Variants in ATXN7L1 observed in about 807,000 individuals in gnomAD.
The protein encoded by ATXN7L1 is ataxin-7-like protein 1.
Under a neutral mutation model 70.8 loss-of-function variants are expected in ATXN7L1, and 15 were observed. The observed-to-expected ratio is 0.21, with a 90% CI of 0.14 to 0.33. The LOEUF is 0.33. Among genes scored for constraint, ATXN7L1 ranks in the 10% least tolerant of loss-of-function variants. The probability of loss-of-function intolerance (pLI) is 1.00; values close to 1 mark genes in which losing one functional copy is unlikely to be tolerated. For missense variants in ATXN7L1, 975 were observed against 1,097.1 expected, an observed-to-expected ratio of 0.89 and a Z score of 1.57; for synonymous variants, 440 against 445.1, an observed-to-expected ratio of 0.99 and a Z score of 0.14.
chr7:105,649,813 G>A (rs996569655), intron 4 of ATXN7L1, among the ~76,000 whole-genome samples: 6 of 152,228 alleles, frequency 3.9e-5, no homozygotes, highest in Admixed American at 1.3e-4. Flanking sequence ...AAGACATATG[G>A]TATTTGTGCT....
In ATXN7L1 at chr7:105,698,282, T is replaced by A. The variant is rs1003345135; in HGVS notation, c.356-32994A>T. ...GATTTTGGCTTAATCCTTTGTGATG[T>A]GGACCCACAAACCAAGACATTGTAA... On this transcript the variant is annotated intron_variant, in intron 3 of 11. Transcript: ENST00000419735. Among the ~76,000 whole-genome samples the A allele has an allele frequency of 5.3e-5, 8 of 152,190 alleles. No homozygotes were observed. In the South Asian group the frequency reaches 1.7e-3, roughly 32 times the overall value.
At chr7:105,813,697 T>C (rs190666168) in intron 2 of ATXN7L1, among the ~76,000 whole-genome samples, 235 of 152,332 alleles carry the variant, frequency 1.5e-3, no homozygotes, top group African/African-American at 4.8e-3. Flanking sequence ...ATTCTGAAAT[T>C]AAGTTTTTTT....
chr7:105,624,858 G>A (rs1795471118), intron 7 of ATXN7L1, among the ~76,000 whole-genome samples: 1 of 152,158 alleles, frequency 6.6e-6, no homozygotes, highest in Non-Finnish European at 1.5e-5. Flanking sequence ...AGTGTAAGTG[G>A]AACATGAGAT....
At chr7:105,805,367 G>A (rs1232073803) in intron 2 of ATXN7L1, among the ~76,000 whole-genome samples, 1 of 152,230 alleles carries the variant, frequency 6.6e-6, no homozygotes, top group African/African-American at 2.4e-5. Flanking sequence ...TATGCAGGAA[G>A]TTCAGGGGGC....
chr7:105,816,779 C>G (rs1326468517), intron 2 of ATXN7L1, among the ~76,000 whole-genome samples: 3 of 152,362 alleles, frequency 2.0e-5, no homozygotes, highest in Middle Eastern at 6.8e-3. Context: ...AAGCTAAGTT[C>G]TCTAAGCCAA....
At chr7:105,682,999 A>G (rs752251781) in intron 3 of ATXN7L1, among the ~76,000 whole-genome samples, 2 of 152,254 alleles carry the variant, frequency 1.3e-5, no homozygotes, top group Admixed American at 6.5e-5. Flanking sequence ...GATAATCTAC[A>G]GCAGAACAAT....
At chr7:105,611,104 G>A (rs1164868505) in intron 10 of ATXN7L1, among the ~76,000 whole-genome samples, 2 of 152,222 alleles carry the variant, frequency 1.3e-5, no homozygotes, top group Non-Finnish European at 2.9e-5. Flanking sequence ...TAACGCACAC[G>A]CAACTGTTCT....
intron 2 of ATXN7L1, among the ~76,000 whole-genome samples, chr7:105,849,605 A>G (rs74947630): frequency 0.094 from 14,250 of 152,232 alleles, 814 homozygotes; most frequent in East Asian, 0.23. Context: ...GCTTGGTTTC[A>G]TGACACCTCT....
intron 3 of ATXN7L1, among the ~76,000 whole-genome samples, chr7:105,748,116 CAAA>C (rs10566200): frequency 1.3e-3 from 156 of 121,936 alleles, no homozygotes; most frequent in African/African-American, 2.6e-3. Context: ...AACTCCATCT[CAAA>C]AAAAAAAAAA....
rs1335369012 is a variant in ATXN7L1, at chr7:105,822,244, G to A, written c.251-33536C>T. 2.0e-5 allele frequency among the ~76,000 whole-genome samples: 3 copies of A among 152,276 alleles called. No homozygotes were observed. In the East Asian group the frequency reaches 5.8e-4, roughly 29 times the overall value. ...CTTGAGTCCAGGAGTTTAAGGCAGC[G>A]TAGGCAACACAGCAAGACCCTGTCT... On this transcript the variant is annotated intron_variant, in intron 2 of 11. Coordinates refer to ENST00000419735, the MANE Select transcript of ATXN7L1 (RefSeq NM_020725.2).
At chr7:105,681,238 A>C (rs1805511983) in intron 3 of ATXN7L1, among the ~76,000 whole-genome samples, 2 of 152,304 alleles carry the variant, frequency 1.3e-5, no homozygotes, top group South Asian at 4.1e-4. Context: ...CAGCCTGGCC[A>C]ATATGTTGAA....
At chr7:105,680,292 T>G (rs1805362541) in intron 3 of ATXN7L1, among the ~76,000 whole-genome samples, 1 of 152,170 alleles carries the variant, frequency 6.6e-6, no homozygotes, top group Non-Finnish European at 1.5e-5. Flanking sequence ...GATGGTCTCC[T>G]GTGGGGACCA....
intron 7 of ATXN7L1, among the ~76,000 whole-genome samples, chr7:105,627,594 C>G (rs182923702): frequency 2.0e-5 from 3 of 148,922 alleles, no homozygotes; most frequent in African/African-American, 7.5e-5. Flanking sequence ...TGCAGTGGTG[C>G]GACCTCGGCT....
At chr7:105,762,270 C>A (rs191159108) in intron 3 of ATXN7L1, among the ~76,000 whole-genome samples, 1 of 152,310 alleles carries the variant, frequency 6.6e-6, no homozygotes, top group East Asian at 1.9e-4. Context: ...TCCTTGACAC[C>A]CTTCTGCCTT....
At chr7:105,810,832 T>C (rs1357287330) in intron 2 of ATXN7L1, among the ~76,000 whole-genome samples, 1 of 152,212 alleles carries the variant, frequency 6.6e-6, no homozygotes, top group Non-Finnish European at 1.5e-5. Context: ...ACTTGGCTTT[T>C]ATAGTAATTT....
At chr7:105,649,658 G>T in intron 4 of ATXN7L1, 1 of 800,794 alleles carries the variant, frequency 1.2e-6, no homozygotes, top group Non-Finnish European at 1.5e-6. Context: ...ACGCTTTCCT[G>T]GTGATCATGA....
At chr7:105,782,480 C>T (rs1400393841) in intron 3 of ATXN7L1, among the ~76,000 whole-genome samples, 2 of 152,262 alleles carry the variant, frequency 1.3e-5, no homozygotes, top group Non-Finnish European at 2.9e-5. Context: ...TGACACAGAA[C>T]GTGGCTCCAA....
At chr7:105,814,371 T>C (rs1407940390) in intron 2 of ATXN7L1, among the ~76,000 whole-genome samples, 2 of 152,074 alleles carry the variant, frequency 1.3e-5, no homozygotes, top group African/African-American at 2.4e-5. Flanking sequence ...ATGATGATGA[T>C]GAAGATGTTG....
intron 2 of ATXN7L1, among the ~76,000 whole-genome samples, chr7:105,867,373 G>A (rs1394308728): frequency 1.3e-5 from 2 of 152,178 alleles, no homozygotes; most frequent in African/African-American, 2.4e-5. Context: ...TCACCAATGC[G>A]ATGTGGTACT....
Sources: gnomAD v4.1 joint callset for allele counts (sites outside exome capture counted in the v4.1 genomes callset) on GRCh38, gnomAD v4.1.1 for gene constraint, MANE v1.5 for transcripts, NCBI Gene and HGNC (gene_info 2026-07-23, HGNC 2026-07-21) for gene names.